The following AGBL4 variants were observed in gnomAD, a reference collection of about 807,000 sequenced individuals.
AGBL4 encodes the protein AGBL carboxypeptidase 4, also known as cytosolic carboxypeptidase 6.
In AGBL4, 58 loss-of-function variants were observed where a neutral mutation model predicts 66.4. That is an observed-to-expected ratio of 0.87 (90% CI 0.71 to 1.09). The LOEUF (loss-of-function observed/expected upper bound fraction) is 1.09. Among genes scored for constraint, AGBL4 ranks in the 50% least tolerant of loss-of-function variants. AGBL4 has a pLI of 0.00. For missense variants in AGBL4, 579 were observed against 631.0 expected (o/e 0.92, Z 0.88); for synonymous variants, 234 against 222.9 (o/e 1.05, Z -0.44).
intron 4 of AGBL4, among the ~76,000 whole-genome samples, chr1:49,090,725 AG>A (rs1211866262): frequency 6.7e-6 from 1 of 149,730 alleles, no homozygotes; most frequent in Non-Finnish European, 1.5e-5. Flanking sequence ...TTGCAGAATT[AG>A]AAAAAAACTA....
chr1:49,707,290 T>G (rs1406505922), intron 2 of AGBL4, among the ~76,000 whole-genome samples: 1 of 152,058 alleles, frequency 6.6e-6, no homozygotes, highest in Non-Finnish European at 1.5e-5. Context: ...TTTACCCTTA[T>G]GTAATGCATT....
intron 3 of AGBL4, among the ~76,000 whole-genome samples, chr1:49,378,621 G>A (rs1437394514): frequency 6.6e-6 from 1 of 152,094 alleles, no homozygotes; most frequent in African/African-American, 2.4e-5. Context: ...TGCACATTAA[G>A]AATAAGAAGG....
intron 3 of AGBL4, among the ~76,000 whole-genome samples, chr1:49,258,527 G>A (rs1329143273): frequency 1.3e-5 from 2 of 152,116 alleles, no homozygotes; most frequent in African/African-American, 2.4e-5. Context: ...CTCAGGAGCC[G>A]ATGCGATCAA....
At chr1:49,079,917 AT>A (rs1465950263) in intron 4 of AGBL4, among the ~76,000 whole-genome samples, 1 of 152,200 alleles carries the variant, frequency 6.6e-6, no homozygotes, top group Non-Finnish European at 1.5e-5. Context: ...CCCCCAAATT[AT>A]TTCTTTTCCT....
chr1:49,108,644 G>A (rs1050792540), intron 4 of AGBL4, among the ~76,000 whole-genome samples: 3 of 152,146 alleles, frequency 2.0e-5, no homozygotes, highest in Non-Finnish European at 2.9e-5. Context: ...AGGGGAGAAC[G>A]TTCAGTGTTA....
At chr1:49,761,322 A>T (rs2147862179) in intron 2 of AGBL4, among the ~76,000 whole-genome samples, 1 of 152,238 alleles carries the variant, frequency 6.6e-6, no homozygotes, top group East Asian at 1.9e-4. Flanking sequence ...TAAAACTCTT[A>T]ATCTATTATA....
chr1:48,996,417 A>G (rs1172290583), intron 5 of AGBL4, among the ~76,000 whole-genome samples: 2 of 152,238 alleles, frequency 1.3e-5, no homozygotes, highest in African/African-American at 2.4e-5. Context: ...CATTTAATGT[A>G]TGGGAGCGAA....
intron 2 of AGBL4, among the ~76,000 whole-genome samples, chr1:49,778,563 A>C (rs1644256970): frequency 1.3e-5 from 2 of 152,346 alleles, no homozygotes; most frequent in Middle Eastern, 3.4e-3. Flanking sequence ...ACTAGAAGAA[A>C]TACGTGGAAT....
chr1:48,775,480 C>T (rs917027838), intron 6 of AGBL4, among the ~76,000 whole-genome samples: 1 of 152,126 alleles, frequency 6.6e-6, no homozygotes, highest in Admixed American at 6.5e-5. Context: ...TTCATTCAGT[C>T]ACTAACCCTT....
chr1:49,768,547 T>C (rs910995271), intron 2 of AGBL4, among the ~76,000 whole-genome samples: 4 of 152,130 alleles, frequency 2.6e-5, no homozygotes, highest in African/African-American at 4.8e-5. Context: ...GAGCCATCTA[T>C]GACAAACCCA....
chr1:49,351,535 A>T (rs1457384876), intron 3 of AGBL4, among the ~76,000 whole-genome samples: 1 of 152,110 alleles, frequency 6.6e-6, no homozygotes, highest in Admixed American at 6.5e-5. Flanking sequence ...AAGCTTATTC[A>T]TAGAAAATTA....
rs58136623 is a variant in AGBL4 at position 48,546,864 on chromosome 1, AACACACAC to A, written c.1268-7134_1268-7127del. Among the ~76,000 whole-genome samples, 890 of 128,374 alleles carry A rather than the reference AACACACAC, an allele frequency of 6.9e-3. 21 individuals carry two copies. The East Asian group carries it at 0.08, about 12-fold the overall frequency. The allele number at this position is 128,374 out of a possible 152,430, so 84.2% of individuals were successfully genotyped here. On this transcript the variant is annotated intron_variant, in intron 11 of 13. Transcript: ENST00000371839. ...AAATAGCGAGGTAGTAAAACAAACA[AACACACAC>A]ACACACACACACACACACACACACA...
intron 1 of AGBL4, among the ~76,000 whole-genome samples, chr1:49,926,553 C>T (rs1652794802): frequency 6.6e-6 from 1 of 152,174 alleles, no homozygotes; most frequent in African/African-American, 2.4e-5. Flanking sequence ...AAGTGAACTA[C>T]ATAAGGCACT....
intron 9 of AGBL4, among the ~76,000 whole-genome samples, chr1:48,608,969 TCC>T (rs1645195337): frequency 6.6e-6 from 1 of 152,194 alleles, no homozygotes; most frequent in Non-Finnish European, 1.5e-5. Context: ...GGCGTTATGA[TCC>T]TCATTTTATT....
intron 11 of AGBL4, among the ~76,000 whole-genome samples, chr1:48,582,837 A>G (rs916257867): frequency 6.6e-6 from 1 of 152,220 alleles, no homozygotes; most frequent in African/African-American, 2.4e-5. Context: ...ATAGTAGAGA[A>G]GGGAAGTCAG....
chr1:49,938,154 T>C (rs1654310487), intron 1 of AGBL4, among the ~76,000 whole-genome samples: 1 of 151,224 alleles, frequency 6.6e-6, no homozygotes, highest in Admixed American at 6.6e-5. Context: ...TAAAAAATGA[T>C]AAAGGGGATA....
intron 5 of AGBL4, among the ~76,000 whole-genome samples, chr1:48,955,629 C>T (rs1657387598): frequency 6.6e-6 from 1 of 152,180 alleles, no homozygotes; most frequent in South Asian, 2.1e-4. Context: ...GTAATCCTCC[C>T]ACCCGGGCCT....
intron 5 of AGBL4, among the ~76,000 whole-genome samples, chr1:48,958,546 C>A (rs1489708885): frequency 6.6e-6 from 1 of 152,186 alleles, no homozygotes; most frequent in East Asian, 1.9e-4. Context: ...ATGGAAGAAA[C>A]CTGGCCCCTG....
intron 4 of AGBL4, among the ~76,000 whole-genome samples, chr1:49,049,397 A>G (rs1383286656): frequency 6.6e-6 from 1 of 152,130 alleles, no homozygotes; most frequent in African/African-American, 2.4e-5. Context: ...TCTCTACTTT[A>G]AAAAATTATA....
Sources: allele counts gnomAD v4.1 joint callset (sites outside exome capture counted in the v4.1 genomes callset), GRCh38; gene constraint gnomAD v4.1.1; transcripts MANE v1.5; gene names NCBI Gene and HGNC (gene_info 2026-07-23, HGNC 2026-07-21).